TRIM72: variants seen among roughly 807,000 people sequenced by gnomAD.
The protein encoded by TRIM72 is tripartite motif-containing protein 72.
TRIM72 carries 33 observed loss-of-function variants against 31.6 expected under a neutral mutation model. That is an observed-to-expected ratio of 1.04 (90% confidence interval 0.79 to 1.40). The LOEUF is 1.40. Among genes scored for constraint, TRIM72 ranks in the 40% most tolerant of loss-of-function variants. The pLI is 0.00. For missense variants in TRIM72, 666 were observed against 682.7 expected (o/e 0.98, Z 0.27); for synonymous variants, 301 against 314.4 (o/e 0.96, Z 0.45).
chr16:31,227,694 A>T lies in TRIM72; in HGVS notation c.*2939A>T, dbSNP rs1401001718. 2 of 152,034 alleles carry T rather than the reference A, an allele frequency of 1.3e-5. No individual in the cohort carries two copies. Among genetic ancestry groups the T allele is most frequent in the Non-Finnish European group, 2.9e-5 (2 of 68,046 alleles). 9.4% of individuals were successfully genotyped at this position (152,034 alleles called of 1,614,324 possible). ...GCACAGGCTGGAGTGCAATGGTGTG[A>T]TTGTGGCTCACTGCAGCCTTGACCT... On this transcript the variant is annotated 3_prime_UTR_variant, in exon 7 of 7. Transcript: ENST00000322122.
rs531394387 is a variant in TRIM72, at chr16:31,219,115, A to C, written c.411A>C (p.Lys137Asn). 1 of 1,584,312 alleles carries C rather than the reference A, an allele frequency of 6.3e-7. No individual in the cohort carries two copies. Among genetic ancestry groups the C allele is most frequent in the Admixed American group, 1.9e-5 (1 of 54,014 alleles). ...ARLKTQLPQQ[K>N]LQLQEACMRK... ...CCCAGACACAGCTGCCACAGCAGAA[A>C]CTGCAGCTGCAGGAGGCATGCATGC... The change falls in exon 3 of 7, where the codon AAA becomes AAC. Residue 137 changes from lysine (K) to asparagine (N), a missense_variant. Physicochemically the swap from Lys to Asn is moderately conservative, Grantham distance 94 (BLOSUM62 0). Transcript: ENST00000322122. This position sits in a 1 kb window ranked among gnomAD's most constrained non-coding sequence, Gnocchi z 4.2.
chr16:31,221,866 G>A (rs1380419722), intron 5 of TRIM72, among the ~76,000 whole-genome samples: 1 of 151,118 alleles, frequency 6.6e-6, no homozygotes, highest in African/African-American at 2.4e-5. Context: ...GGGGAGAAGG[G>A]CATTGCAGGG....
rs1596939488 is a variant in TRIM72, at chr16:31,219,020, G to A, written c.391-75G>A. The A allele has an allele frequency of 3.6e-6, 5 of 1,382,292 alleles. No individual in the cohort carries two copies. In the East Asian group the frequency reaches 1.3e-4, roughly 35 times the overall value. 85.6% of individuals were successfully genotyped at this position (1,382,292 alleles called of 1,614,324 possible). A position where few individuals can be genotyped will look rare whatever the true frequency, so the allele number is the denominator to read the frequency against. On this transcript the variant is annotated intron_variant, in intron 2 of 6. Coordinates refer to ENST00000322122, the MANE Select transcript of TRIM72 (RefSeq NM_001008274.4). This position sits in a 1 kb window ranked among gnomAD's most constrained non-coding sequence, Gnocchi z 4.2. ...GCTGGCATTGAGGTTGAGCCACAGA[G>A]GGCAGGTTTAGGATGGGAGGTGTGG...
Position 31,219,569 on chromosome 16 carries a change from C to G in TRIM72, c.717+50C>G, listed in dbSNP as rs2079525091. ...CTGCCTCAGCCCCCTGCTCAGGGCC[C>G]AGAGACCTCATCCCATTGTCAGATA... On this transcript the variant is annotated intron_variant, in intron 4 of 6. Transcript: ENST00000322122. The surrounding 1 kb of genome is among the most constrained non-coding windows in gnomAD (Gnocchi z 4.2). 6.7e-7 allele frequency: 1 copy of G among 1,499,084 alleles called. No homozygotes were observed. Among genetic ancestry groups the G allele is most frequent in the Non-Finnish European group, 9.1e-7 (1 of 1,099,308 alleles). The allele number at this position is 1,499,084 out of a possible 1,614,324, so 92.9% of individuals were successfully genotyped here.
In TRIM72 at chr16:31,214,273, C is replaced by G. The variant is rs986798015; in HGVS notation, c.-32C>G. 2 of 156,382 alleles carry G rather than the reference C, an allele frequency of 1.3e-5. No homozygotes were observed. The highest frequency in any genetic ancestry group is 2.8e-5 in the Non-Finnish European group (2 of 71,056). The allele number at this position is 156,382 out of a possible 1,614,324, so 9.7% of individuals were successfully genotyped here. A position where few individuals can be genotyped will look rare whatever the true frequency, so the allele number is the denominator to read the frequency against. On this transcript the variant is annotated 5_prime_UTR_variant, in exon 1 of 7. Transcript: ENST00000322122. ...GACCGGTCCTCCTTCGAGACTCTTT[C>G]AGCCTAAGATCTCCAACCAGACCTG...
At position 31,225,706 on chromosome 16, in the gene TRIM72, G is replaced by T. The variant is rs1468105630; in HGVS notation, c.*951G>T. ...TTGCTCTGTCACTCAAGGCTAGAGT[G>T]CAGTGGTGCCATCTCGGCTCACTGC... On this transcript the variant is annotated 3_prime_UTR_variant, in exon 7 of 7. Transcript: ENST00000322122. 1 of 124,884 alleles carries T rather than the reference G, an allele frequency of 8.0e-6. No homozygotes were observed. The highest frequency in any genetic ancestry group is 1.6e-5 in the Non-Finnish European group (1 of 63,654). 7.7% of individuals were successfully genotyped at this position (124,884 alleles called of 1,614,324 possible).
Position 31,215,188 on chromosome 16 carries a change from G to T in TRIM72, c.390+60G>T. On this transcript the variant is annotated intron_variant, in intron 2 of 6. Transcript: ENST00000322122. The surrounding 1 kb of genome is among the most constrained non-coding windows in gnomAD (Gnocchi z 6.3). ...TGTTCGGTGGCACGGGGCCGATGGGGAGGTCGCTGCAGTGATTTGGATTCT... is the reference window on the plus strand; with the variant it reads ...TGTTCGGTGGCACGGGGCCGATGGGTAGGTCGCTGCAGTGATTTGGATTCT... 1 of 1,420,204 alleles carries T rather than the reference G, an allele frequency of 7.0e-7. No homozygotes were observed. The highest frequency in any genetic ancestry group is 9.1e-7 in the Non-Finnish European group (1 of 1,095,540). The allele number at this position is 1,420,204 out of a possible 1,614,324, so 88.0% of individuals were successfully genotyped here.
chr16:31,214,606 G>A, intron 1 of TRIM72, 126 bp from the exon 2 acceptor site: 1 of 1,075,132 alleles, frequency 9.3e-7, no homozygotes, highest in Non-Finnish European at 1.2e-6. Flanking sequence ...TGTAGGATGT[G>A]AGGTCTTTAC....
At chr16:31,222,118 T>C (rs1004313212) in intron 5 of TRIM72, among the ~76,000 whole-genome samples, 2 of 152,034 alleles carry the variant, frequency 1.3e-5, no homozygotes, top group Non-Finnish European at 2.9e-5. Flanking sequence ...TTGGGCCGGG[T>C]GCAGTGGCTC....
At chr16:31,217,532 G>C (rs914752965) in intron 2 of TRIM72, among the ~76,000 whole-genome samples, 1 of 148,676 alleles carries the variant, frequency 6.7e-6, no homozygotes, top group Non-Finnish European at 1.5e-5. Context: ...CAGGAGTATT[G>C]GGAGCTCTCC....
rs1186625152 is a variant in TRIM72, at chr16:31,215,583, C to T, written c.390+455C>T. Among the ~76,000 whole-genome samples the T allele has an allele frequency of 6.6e-6, 1 of 152,146 alleles. No individual in the cohort carries two copies. The highest frequency in any genetic ancestry group is 2.1e-4 in the South Asian group (1 of 4,828). On this transcript the variant is annotated intron_variant, in intron 2 of 6. Transcript: ENST00000322122. This position sits in a 1 kb window ranked among gnomAD's most constrained non-coding sequence, Gnocchi z 6.3. The stretch of plus-strand genomic sequence containing the variant: ...GCGCGGCGTTCGGGACCGAGCCAGG[C>T]GGCCGGGGCAGGGTTGTCCCCTTGT...
At chr16:31,222,713 A>T in intron 5 of TRIM72, 114 bp from the exon 6 acceptor site, 1 of 593,970 alleles carries the variant, frequency 1.7e-6, no homozygotes. Context: ...TTCCCAAACC[A>T]AAACTCCAAA....
chr16:31,224,766 G>T lies in TRIM72; in HGVS notation c.*11G>T. The T allele has an allele frequency of 6.9e-7, 1 of 1,456,648 alleles. No individual in the cohort carries two copies. The highest frequency in any genetic ancestry group is 1.4e-5 in the African/African-American group (1 of 69,052). The allele number at this position is 1,456,648 out of a possible 1,614,324, so 90.2% of individuals were successfully genotyped here. Reference sequence around the variant, plus strand: ...GGCGCCGAGGCCTGAGCCGCCGGACGGGTAGTGGAGGGGCGCGGGGGCCTG... The same window carrying T: ...GGCGCCGAGGCCTGAGCCGCCGGACTGGTAGTGGAGGGGCGCGGGGGCCTG... On this transcript the variant is annotated 3_prime_UTR_variant, in exon 7 of 7. Transcript: ENST00000322122.
chr16:31,216,329 T>C lies in TRIM72; in HGVS notation c.390+1201T>C. The stretch of plus-strand genomic sequence containing the variant: ...CCCTCCCATCCCAGCACACCTGTGC[T>C]TAAGACCCCAACCTCAGGGCAACCC... On this transcript the variant is annotated intron_variant, in intron 2 of 6. Transcript: ENST00000322122. The surrounding 1 kb of genome is among the most constrained non-coding windows in gnomAD (Gnocchi z 6.7). 6.0e-6 allele frequency: 1 copy of C among 167,748 alleles called. No homozygotes were observed. 10.4% of individuals were successfully genotyped at this position (167,748 alleles called of 1,614,324 possible).
chr16:31,220,750 C>T, intron 4 of TRIM72, 146 bp from the exon 5 acceptor site: 1 of 1,063,228 alleles, frequency 9.4e-7, no homozygotes, highest in Non-Finnish European at 1.4e-6. Context: ...AGATTACAGG[C>T]ATGAGCCACC....
In TRIM72 at chr16:31,220,878, C is replaced by G. The variant is rs2079530459; in HGVS notation, c.718-18C>G. 3 of 1,614,036 alleles carry G rather than the reference C, an allele frequency of 1.9e-6. No individual in the cohort carries two copies. The African/African-American group carries it at 4.0e-5, about 22-fold the overall frequency. Reference sequence around the variant, plus strand: ...CCACCATCGGCTTCACCACCATTCTCTTTTTCTCTCTCTCCAGAAATACTG... The same window carrying G: ...CCACCATCGGCTTCACCACCATTCTGTTTTTCTCTCTCTCCAGAAATACTG... On this transcript the variant is annotated intron_variant, in intron 4 of 6. Coordinates refer to ENST00000322122, the MANE Select transcript of TRIM72 (RefSeq NM_001008274.4).
In TRIM72 at chr16:31,224,762, GGAC is replaced by G; in HGVS notation, c.*9_*11del. 2 of 1,467,656 alleles carry G rather than the reference GGAC, an allele frequency of 1.4e-6. No homozygotes were observed. The highest frequency in any genetic ancestry group is 4.9e-5 in the Admixed American group (2 of 40,736). 90.9% of individuals were successfully genotyped at this position (1,467,656 alleles called of 1,614,324 possible). On this transcript the variant is annotated 3_prime_UTR_variant, in exon 7 of 7. Coordinates refer to ENST00000322122, the MANE Select transcript of TRIM72 (RefSeq NM_001008274.4). ...CGAAGGCGCCGAGGCCTGAGCCGCC[GGAC>G]GGGTAGTGGAGGGGCGCGGGGGCCT...
At position 31,224,540 on chromosome 16, in the gene TRIM72, G is replaced by A. The variant is rs1191267964; in HGVS notation, c.1219G>A (p.Glu407Lys). Reference sequence around the variant, plus strand: ...GGAGCCGCGCGCTCTGCGCAGCCCCGAGAGGCGGCCCACGCGCATTGGCCT... The same window carrying A: ...GGAGCCGCGCGCTCTGCGCAGCCCCAAGAGGCGGCCCACGCGCATTGGCCT... ...AKEPRALRSP[E>K]RRPTRIGLYL... Residue 407 changes from glutamate to lysine, a missense_variant, in exon 7 of 7, where the codon GAG becomes AAG. Coordinates refer to ENST00000322122, the MANE Select transcript of TRIM72 (RefSeq NM_001008274.4). The A allele has an allele frequency of 6.5e-7, 1 of 1,526,860 alleles. No individual in the cohort carries two copies. 94.6% of individuals were successfully genotyped at this position (1,526,860 alleles called of 1,614,324 possible).
rs2079557991 is a variant in TRIM72, at chr16:31,227,383, GGTTT to G, written c.*2637_*2640del. On this transcript the variant is annotated 3_prime_UTR_variant, in exon 7 of 7. Coordinates refer to ENST00000322122, the MANE Select transcript of TRIM72 (RefSeq NM_001008274.4). ...TGTTCTGCCATTTTTTTTGTTGGTT[GGTTT>G]GTTTGTTTTGTTTGAGACAGAGTCT... The G allele has an allele frequency of 6.6e-6, 1 of 152,242 alleles. No individual in the cohort carries two copies. Among genetic ancestry groups the G allele is most frequent in the African/African-American group, 2.4e-5 (1 of 41,426 alleles). 9.4% of individuals were successfully genotyped at this position (152,242 alleles called of 1,614,324 possible). A position where few individuals can be genotyped will look rare whatever the true frequency, so the allele number is the denominator to read the frequency against.
Sources: gnomAD v4.1 joint callset for allele counts (sites outside exome capture counted in the v4.1 genomes callset) on GRCh38, gnomAD v4.1.1 for gene constraint, Gnocchi (gnomAD v3.1) non-coding constraint, MANE v1.5 for transcripts, NCBI Gene and HGNC (gene_info 2026-07-23, HGNC 2026-07-21) for gene names.